The following ABCA3 variants were observed in gnomAD, a reference collection of about 807,000 sequenced individuals.
ABCA3 encodes ATP binding cassette subfamily A member 3.
ABCA3 carries 88 observed loss-of-function variants against 172.8 expected under a neutral mutation model. The ratio of observed to expected loss-of-function variants is 0.51; its 90% CI spans 0.43 to 0.61. The LOEUF (loss-of-function observed/expected upper bound fraction) is 0.61, where lower values mean the gene tolerates loss of function less well. ABCA3 is among the 20% of genes least tolerant of loss of function. The probability of loss-of-function intolerance (pLI) is 0.00; values close to 1 mark genes in which losing one functional copy is unlikely to be tolerated. For missense variants in ABCA3, 2,164 were observed against 2,301.0 expected (o/e 0.94, Z 1.22); for synonymous variants, 1,066 against 983.8 (o/e 1.08, Z -1.56).
chr16:2,276,694 T>C lies in ABCA3; in HGVS notation c.5095A>G (p.Thr1699Ala). ...FLSFAHLQPP[T>A]AEEGR ...ACCCCTCATCGCCCCTCCTCTGCGGTGGGCGGCTGCAGGTGGGCGAAGCTC... is the reference window on the plus strand; with the variant it reads ...ACCCCTCATCGCCCCTCCTCTGCGGCGGGCGGCTGCAGGTGGGCGAAGCTC... The change falls in exon 33 of 33, where the codon ACC (threonine) becomes GCC (alanine). Residue 1699 changes from threonine to alanine, a missense_variant. Physicochemically the swap from Thr to Ala is moderately conservative, Grantham distance 58. Coordinates refer to ENST00000301732, the MANE Select transcript of ABCA3 (RefSeq NM_001089.3). 1 of 1,613,514 alleles carries C rather than the reference T, an allele frequency of 6.2e-7. No homozygotes were observed. Among genetic ancestry groups the C allele is most frequent in the Non-Finnish European group, 8.5e-7 (1 of 1,180,024 alleles).
rs1450725284 is a variant in ABCA3 at position 2,297,417 on chromosome 16, C to T, written c.2175G>A (p.Glu725=). The T allele has an allele frequency of 1.9e-6, 3 of 1,613,668 alleles. No homozygotes were observed. Among genetic ancestry groups the T allele is most frequent in the Middle Eastern group, 1.7e-4 (1 of 5,992 alleles). ...CGATGCGGTCTCCCAGCAGGTCAGC[C>T]TCGTCCATGAAGTGGGTGGTCAGCA... ...TIVLTTHFMD[E]ADLLGDRIAI... The change falls in exon 17 of 33, where the codon GAG becomes GAA. Residue 725 remains glutamate (E), a synonymous_variant. Transcript: ENST00000301732. The surrounding 1 kb of genome is among the most constrained non-coding windows in gnomAD (Gnocchi z 5.6).
At position 2,298,412 on chromosome 16, in the gene ABCA3, C is replaced by G; in HGVS notation, c.1870G>C (p.Ala624Pro). ...HDILFDNLTV[A>P]EHLYFYAQLK... ...TGGGCGTAGAAATAAAGGTGCTCTG[C>G]GACTGTCAAGTTGTCAAACAGGATG... The change falls in exon 15 of 33, where the codon GCA becomes CCA. Residue 624 changes from alanine to proline, a missense_variant. This residue lies in a region of ABCA3 where 1,343 missense variants were observed against 1,369.6 expected (regional missense o/e 0.98). Coordinates refer to ENST00000301732, the MANE Select transcript of ABCA3 (RefSeq NM_001089.3). 1 of 1,614,092 alleles carries G rather than the reference C, an allele frequency of 6.2e-7. No homozygotes were observed. The highest frequency in any genetic ancestry group is 8.5e-7 in the Non-Finnish European group (1 of 1,180,022).
At chr16:2,324,666 G>A in intron 5 of ABCA3, 135 bp from the exon 6 acceptor site, 1 of 1,345,230 alleles carries the variant, frequency 7.4e-7, no homozygotes, top group Non-Finnish European at 1.0e-6. Context: ...GAGACTCAAG[G>A]CAGCTTTCAT....
rs2093736933 is a variant in ABCA3 at position 2,327,915 on chromosome 16, T to G, written c.-27+538A>C. On this transcript the variant is annotated intron_variant, in intron 3 of 32. Transcript: ENST00000301732. ...TTTATATTTTTAGTAGAGATGGGGT[T>G]TCACCATGTTGGCCAGGCTGGTCTT... is the stretch of plus-strand genomic sequence containing the variant. Among the ~76,000 whole-genome samples, 4 of 152,208 alleles carry G rather than the reference T, an allele frequency of 2.6e-5. No homozygotes were observed. The South Asian group carries it at 8.3e-4, about 32-fold the overall frequency.
intron 11 of ABCA3, among the ~76,000 whole-genome samples, chr16:2,307,162 T>C (rs1281077804): frequency 1.3e-5 from 2 of 151,934 alleles, no homozygotes; most frequent in Non-Finnish European, 2.9e-5. Context: ...TTATCACTTG[T>C]TTCTCTCTTA....
intron 8 of ABCA3, among the ~76,000 whole-genome samples, chr16:2,318,189 G>C (rs1170314184): frequency 6.6e-6 from 1 of 152,194 alleles, no homozygotes; most frequent in Non-Finnish European, 1.5e-5. Flanking sequence ...CCACAGATCA[G>C]ACCATAGCTG....
At chr16:2,289,292 G>A (rs1027177179) in intron 20 of ABCA3, 142 bp downstream of exon 20, 19 of 1,027,472 alleles carry the variant, frequency 1.8e-5, no homozygotes, top group African/African-American at 8.0e-5. Flanking sequence ...GGTGTGAGCC[G>A]CTGCCCGCCC....
chr16:2,315,839 C>CTT (rs536716259), intron 10 of ABCA3, among the ~76,000 whole-genome samples: 373 of 104,828 alleles, frequency 3.6e-3, no homozygotes, highest in Non-Finnish European at 4.5e-3. Context: ...AATTTTTAAA[C>CTT]TTTTTTTTTT....
rs1179924022 is a variant in ABCA3 at position 2,317,735 on chromosome 16, G to C, written c.903C>G (p.Ser301Arg). 6.2e-7 allele frequency: 1 copy of C among 1,614,238 alleles called. No homozygotes were observed. Among genetic ancestry groups the C allele is most frequent in the Non-Finnish European group, 8.5e-7 (1 of 1,180,026 alleles). ...GGAACCAGGCACTCCAGTGCAGCCA[G>C]CTGCTGAGCCCCATCATGCGCATGT... ...KEYMRMMGLSSWLHWSAWFLL... is the reference protein window; with the variant it reads ...KEYMRMMGLSRWLHWSAWFLL... The change falls in exon 9 of 33, where the codon AGC (serine) becomes AGG (arginine). Residue 301 changes from serine (S) to arginine (R), a missense_variant. Transcript: ENST00000301732.
chr16:2,276,621 G>A lies in ABCA3; in HGVS notation c.*53C>T. ...AACTTGGAGAGAGAGGATGTAAGAT[G>A]GGCCCTGCTTGCCCGTCCTGTCCCT... On this transcript the variant is annotated 3_prime_UTR_variant, in exon 33 of 33. Transcript: ENST00000301732. The A allele has an allele frequency of 2.5e-6, 4 of 1,602,452 alleles. No homozygotes were observed. The highest frequency in any genetic ancestry group is 3.4e-6 in the Non-Finnish European group (4 of 1,175,770).
intron 19 of ABCA3, among the ~76,000 whole-genome samples, chr16:2,290,038 A>C (rs2093669649): frequency 6.7e-6 from 1 of 150,332 alleles, no homozygotes; most frequent in Admixed American, 6.6e-5. Context: ...AGGAAACACA[A>C]CTGAGGCTGC....
Position 2,297,437 on chromosome 16 carries a change from T to C in ABCA3, c.2155A>G (p.Thr719Ala), listed in dbSNP as rs1378206438. Residue 719 changes from threonine to alanine, a missense_variant, in exon 17 of 33, where the codon ACC (threonine) becomes GCC (alanine). Around this residue, in one of 3 missense-constraint regions of ABCA3, gnomAD observed 1,343 missense variants for 1,369.6 expected, o/e 0.98. Transcript: ENST00000301732. This position sits in a 1 kb window ranked among gnomAD's most constrained non-coding sequence, Gnocchi z 5.6. ...RQKSDRTIVL[T>A]THFMDEADLL... The stretch of plus-strand genomic sequence containing the variant: ...TCAGCCTCGTCCATGAAGTGGGTGG[T>C]CAGCACGATGGTGCGGTCACTTTTC... 6.2e-7 allele frequency: 1 copy of C among 1,613,762 alleles called. No individual in the cohort carries two copies. Among genetic ancestry groups the C allele is most frequent in the Non-Finnish European group, 8.5e-7 (1 of 1,180,008 alleles).
In ABCA3 at chr16:2,278,580, T is replaced by A. The variant is rs2093650300; in HGVS notation, c.4548-122A>T. 2.3e-6 allele frequency: 3 copies of A among 1,307,010 alleles called. No individual in the cohort carries two copies. The highest frequency in any genetic ancestry group is 3.9e-5 in the Admixed American group (2 of 51,822). The allele number at this position is 1,307,010 out of a possible 1,614,324, so 81.0% of individuals were successfully genotyped here. On this transcript the variant is annotated intron_variant, in intron 29 of 32. Coordinates refer to ENST00000301732, the MANE Select transcript of ABCA3 (RefSeq NM_001089.3). This position sits in a 1 kb window ranked among gnomAD's most constrained non-coding sequence, Gnocchi z 4.4. Reference sequence around the variant, plus strand: ...CCCAGCAATTGCAGAACAGCCCTAGTGAAGAGGAAGGAGCTGTGTGTGCAC... The same window carrying A: ...CCCAGCAATTGCAGAACAGCCCTAGAGAAGAGGAAGGAGCTGTGTGTGCAC...
chr16:2,319,543 G>C, intron 8 of ABCA3, 38 bp downstream of exon 8: 1 of 1,604,002 alleles, frequency 6.2e-7, no homozygotes, highest in Non-Finnish European at 8.5e-7. Flanking sequence ...AGGACAGCGC[G>C]GTTTCTAGAG....
Position 2,278,486 on chromosome 16 carries a change from G to A in ABCA3, c.4548-28C>T, listed in dbSNP as rs755731943. Reference sequence around the variant, plus strand: ...AGAGGCAGGAGGGTGCCAGGTGGGGGAATAAGGCTGAGAGTTAGCATTGGC... The same window carrying A: ...AGAGGCAGGAGGGTGCCAGGTGGGGAAATAAGGCTGAGAGTTAGCATTGGC... On this transcript the variant is annotated intron_variant, in intron 29 of 32. Coordinates refer to ENST00000301732, the MANE Select transcript of ABCA3 (RefSeq NM_001089.3). The surrounding 1 kb of genome is among the most constrained non-coding windows in gnomAD (Gnocchi z 4.4). 6.2e-7 allele frequency: 1 copy of A among 1,606,942 alleles called. No individual in the cohort carries two copies. The highest frequency in any genetic ancestry group is 8.5e-7 in the Non-Finnish European group (1 of 1,179,800).
intron 3 of ABCA3, among the ~76,000 whole-genome samples, chr16:2,327,520 G>A (rs2093736211): frequency 6.6e-6 from 1 of 152,160 alleles, no homozygotes; most frequent in African/African-American, 2.4e-5. Context: ...GGAGAGAGCT[G>A]TGCAGGGAAG....
chr16:2,297,551 G>A lies in ABCA3; in HGVS notation c.2053-12C>T. ...TCCAGTATCAGCACCTGGAGGGAGA[G>A]ACACAGTCTCGCGACGCTGGTAGAG... On this transcript the variant is annotated splice_polypyrimidine_tract_variant and intron_variant, in intron 16 of 32. Transcript: ENST00000301732. The surrounding 1 kb of genome is among the most constrained non-coding windows in gnomAD (Gnocchi z 5.6). The A allele has an allele frequency of 6.2e-7, 1 of 1,611,680 alleles. No homozygotes were observed. The highest frequency in any genetic ancestry group is 8.5e-7 in the Non-Finnish European group (1 of 1,179,840).
intron 18 of ABCA3, 31 bp from the exon 19 acceptor site, chr16:2,292,269 T>TGAGAAG: frequency 1.3e-6 from 2 of 1,569,064 alleles, no homozygotes; most frequent in South Asian, 1.1e-5. Context: ...TATGAGTCAC[T>TGAGAAG]TCTCAGTGAC....
rs1242963860 is a variant in ABCA3 at position 2,319,675 on chromosome 16, T to C, written c.779A>G (p.Gln260Arg). ...CAGCAGCAGCAGGGGCAGCTGGTAC[T>C]GGATGGCCACGAGGAAGGGGTCTGC... ...FIADPFLVAI[Q>R]YQLPLLLLLS... The change falls in exon 8 of 33, where the codon CAG becomes CGG. Residue 260 changes from glutamine to arginine, a missense_variant. Around this residue, in one of 3 missense-constraint regions of ABCA3, gnomAD observed 1,343 missense variants for 1,369.6 expected, o/e 0.98. Coordinates refer to ENST00000301732, the MANE Select transcript of ABCA3 (RefSeq NM_001089.3). 3 of 1,613,684 alleles carry C rather than the reference T, an allele frequency of 1.9e-6. No homozygotes were observed. Among genetic ancestry groups the C allele is most frequent in the South Asian group, 1.1e-5 (1 of 91,080 alleles).
Sources: gnomAD v4.1 joint callset for allele counts (sites outside exome capture counted in the v4.1 genomes callset) on GRCh38, gnomAD v4.1.1 for gene constraint, gnomAD v4.1.1 regional missense constraint, Gnocchi (gnomAD v3.1) non-coding constraint, MANE v1.5 for transcripts, NCBI Gene and HGNC (gene_info 2026-07-23, HGNC 2026-07-21) for gene names.